The following RHOT2 variants were observed in gnomAD, a reference collection of about 807,000 sequenced individuals.
RHOT2 encodes mitochondrial Rho GTPase 2.
RHOT2 carries 90 observed loss-of-function variants against 81.6 expected under a neutral mutation model. The observed-to-expected ratio is 1.10, with a 90% CI of 0.93 to 1.31. RHOT2 has a LOEUF of 1.31. RHOT2 is among the 40% of genes most tolerant of loss of function. The pLI is 0.00. For missense variants in RHOT2, 1,014 were observed against 841.9 expected (o/e 1.20, Z -2.53); for synonymous variants, 512 against 370.9 (o/e 1.38, Z -4.37).
chr16:673,640 G>C lies in RHOT2; in HGVS notation c.*34G>C, dbSNP rs922499982. On this transcript the variant is annotated 3_prime_UTR_variant, in exon 19 of 19. Coordinates refer to ENST00000315082, the MANE Select transcript of RHOT2 (RefSeq NM_138769.3). ...GTACCCAAGCCCCCTCCCCTGACCT[G>C]GGTGTGCCTCGCTGCTGGGGCTCTG... The C allele has an allele frequency of 1.1e-5, 18 of 1,589,330 alleles. No homozygotes were observed. The highest frequency in any genetic ancestry group is 9.4e-6 in the Non-Finnish European group (11 of 1,170,332).
rs368318947 is a variant in RHOT2, at chr16:668,741, C to A, written c.222+42C>A. 7.7e-6 allele frequency: 12 copies of A among 1,560,936 alleles called. No homozygotes were observed. In the African/African-American group the frequency reaches 1.5e-4, roughly 20 times the overall value. On this transcript the variant is annotated intron_variant, in intron 4 of 18. Transcript: ENST00000315082. The stretch of plus-strand genomic sequence containing the variant: ...GGACGAGGGAGGGGCTGGGCGCGGG[C>A]TCGGCCTAATCCGCTTCGCAGCCTG...
chr16:670,232 A>G lies in RHOT2; in HGVS notation c.330-17A>G. The G allele has an allele frequency of 6.2e-7, 1 of 1,612,088 alleles. No homozygotes were observed. Among genetic ancestry groups the G allele is most frequent in the Non-Finnish European group, 8.5e-7 (1 of 1,179,580 alleles). ...CCTGGCTCCCCTGCCCCTGGTGACC[A>G]TGGGCCTTCAACCCAGGGTGCCCAT... On this transcript the variant is annotated splice_polypyrimidine_tract_variant and intron_variant, in intron 6 of 18. Coordinates refer to ENST00000315082, the MANE Select transcript of RHOT2 (RefSeq NM_138769.3).
chr16:668,252 G>C lies in RHOT2; in HGVS notation c.37+16G>C. 1.3e-6 allele frequency: 1 copy of C among 797,554 alleles called. No individual in the cohort carries two copies. Among genetic ancestry groups the C allele is most frequent in the Non-Finnish European group, 1.8e-6 (1 of 557,376 alleles). 49.4% of individuals were successfully genotyped at this position (797,554 alleles called of 1,614,324 possible). A position where few individuals can be genotyped will look rare whatever the true frequency, so the allele number is the denominator to read the frequency against. ...CTGGGCGAGGGTAGGCGCCGGCCCG[G>C]GGGTCTCGGAGCTGCGGCGGCCGTG... On this transcript the variant is annotated intron_variant, in intron 1 of 18. Coordinates refer to ENST00000315082, the MANE Select transcript of RHOT2 (RefSeq NM_138769.3).
At chr16:669,117 T>G in intron 4 of RHOT2, 1 of 381,992 alleles carries the variant, frequency 2.6e-6, no homozygotes, top group Non-Finnish European at 4.8e-6. Context: ...CAGCCCCTGC[T>G]GTTGGCACCC....
At chr16:672,027 G>C in intron 13 of RHOT2, 25 bp downstream of exon 13, 3 of 1,611,462 alleles carry the variant, frequency 1.9e-6, no homozygotes, top group Non-Finnish European at 2.5e-6. Context: ...CACCATGCCC[G>C]CCTGCCGCAC....
At position 672,532 on chromosome 16, in the gene RHOT2, C is replaced by A. The variant is rs779585460; in HGVS notation, c.1370C>A (p.Thr457Lys). Reference sequence around the variant, plus strand: ...CAGCCTCCCGGCTACGCCATCGACACGGTGCAGGTCAATGGACAGGAGAAG... The same window carrying A: ...CAGCCTCCCGGCTACGCCATCGACAAGGTGCAGGTCAATGGACAGGAGAAG... ...REQPPGYAID[T>K]VQVNGQEKYL... is the part of the protein sequence containing the mutation. The change falls in exon 16 of 19, where the codon ACG becomes AAG. Residue 457 changes from threonine to lysine, a missense_variant. Coordinates refer to ENST00000315082, the MANE Select transcript of RHOT2 (RefSeq NM_138769.3). The A allele has an allele frequency of 6.2e-7, 1 of 1,612,478 alleles. No homozygotes were observed. The highest frequency in any genetic ancestry group is 1.1e-5 in the South Asian group (1 of 91,090).
chr16:673,416 G>A, intron 18 of RHOT2, 64 bp from the exon 19 acceptor site: 1 of 1,605,558 alleles, frequency 6.2e-7, no homozygotes, highest in Non-Finnish European at 8.5e-7. Context: ...ACATGGGAGG[G>A]TGCCCAGCAG....
intron 11 of RHOT2, 96 bp from the exon 12 acceptor site, chr16:671,601 T>C: frequency 4.4e-6 from 6 of 1,353,968 alleles, no homozygotes; most frequent in Non-Finnish European, 6.2e-6. Flanking sequence ...GTAGGGAGGG[T>C]CCGGCTGCAC....
At chr16:669,854 G>A (rs935150797) in intron 5 of RHOT2, 24 of 598,612 alleles carry the variant, frequency 4.0e-5, no homozygotes, top group Admixed American at 6.0e-5. Flanking sequence ...CCAAACCCCC[G>A]GGGGGGGACC....
chr16:668,487 G>T lies in RHOT2; in HGVS notation c.97-1G>T, dbSNP rs780238585. 2.5e-6 allele frequency: 4 copies of T among 1,604,908 alleles called. No individual in the cohort carries two copies. The East Asian group carries it at 6.8e-5, about 27-fold the overall frequency. ...CTGGTGAGCGCGCGGGTCCCTTGCA[G>T]GTCCCTCCCCGCGCGGAGGAGATCA... is the stretch of plus-strand genomic sequence containing the variant. On this transcript the variant is annotated splice_acceptor_variant, in intron 2 of 18. Transcript: ENST00000315082. LOFTEE classifies it high-confidence loss of function.
intron 4 of RHOT2, 82 bp downstream of exon 4, chr16:668,781 G>A (rs1211138872): frequency 1.6e-5 from 23 of 1,397,420 alleles, no homozygotes; most frequent in Non-Finnish European, 2.2e-5. Context: ...ATTGGACCGA[G>A]GTGCTCCGGG....
chr16:673,615 G>A lies in RHOT2; in HGVS notation c.*9G>A. 2.5e-6 allele frequency: 4 copies of A among 1,603,386 alleles called. No homozygotes were observed. Among genetic ancestry groups the A allele is most frequent in the Non-Finnish European group, 3.4e-6 (4 of 1,176,514 alleles). On this transcript the variant is annotated 3_prime_UTR_variant, in exon 19 of 19. Coordinates refer to ENST00000315082, the MANE Select transcript of RHOT2 (RefSeq NM_138769.3). Reference sequence around the variant, plus strand: ...TGGTGAAGAGCCAGTGAGGCCCCTGGTACCCAAGCCCCCTCCCCTGACCTG... The same window carrying A: ...TGGTGAAGAGCCAGTGAGGCCCCTGATACCCAAGCCCCCTCCCCTGACCTG...
At position 671,929 on chromosome 16, in the gene RHOT2, G is replaced by A; in HGVS notation, c.1024G>A (p.Gly342Ser). 1 of 1,612,184 alleles carries A rather than the reference G, an allele frequency of 6.2e-7. No individual in the cohort carries two copies. Among genetic ancestry groups the A allele is most frequent in the Non-Finnish European group, 8.5e-7 (1 of 1,179,820 alleles). Residue 342 changes from glycine (G) to serine (S), a missense_variant, in exon 13 of 19, where the codon GGC becomes AGC. Transcript: ENST00000315082. ...LFSVFPAAPW[G>S]PELPRTVRTE... is the part of the protein sequence containing the mutation. The stretch of plus-strand genomic sequence containing the variant: ...CAGTGTGTTCCCAGCAGCGCCCTGG[G>A]GCCCCGAGCTCCCACGCACAGTCCG...
chr16:668,148 G>C lies in RHOT2; in HGVS notation c.-52G>C. On this transcript the variant is annotated 5_prime_UTR_variant, in exon 1 of 19. Coordinates refer to ENST00000315082, the MANE Select transcript of RHOT2 (RefSeq NM_138769.3). The stretch of plus-strand genomic sequence containing the variant: ...CGCGGGGGCAGAGCGAAAGGCTTGA[G>C]GACCAGGTCGGGGCCGGGTTCCGGG... 1 of 435,020 alleles carries C rather than the reference G, an allele frequency of 2.3e-6. No homozygotes were observed. Among genetic ancestry groups the C allele is most frequent in the Non-Finnish European group, 4.0e-6 (1 of 248,516 alleles). 26.9% of individuals were successfully genotyped at this position (435,020 alleles called of 1,614,324 possible). A position where few individuals can be genotyped will look rare whatever the true frequency, so the allele number is the denominator to read the frequency against.
At chr16:669,173 G>T in intron 4 of RHOT2, 2 of 398,894 alleles carry the variant, frequency 5.0e-6, no homozygotes, top group Non-Finnish European at 9.2e-6. Context: ...GGGGAGGCAG[G>T]GGCCAAGGCG....
intron 16 of RHOT2, 45 bp from the exon 17 acceptor site, chr16:672,658 G>A (rs545482499): frequency 1.1e-5 from 17 of 1,611,326 alleles, no homozygotes; most frequent in Middle Eastern, 3.3e-4. Context: ...GGCCCTAGGG[G>A]GACCGAGCCC....
intron 4 of RHOT2, 30 bp downstream of exon 4, chr16:668,729 G>T (rs768442299): frequency 7.0e-6 from 11 of 1,570,454 alleles, no homozygotes; most frequent in Non-Finnish European, 7.8e-6. Context: ...CGAGGGAGGG[G>T]CTGGGCGCGG....
At position 673,124 on chromosome 16, in the gene RHOT2, C is replaced by A. The variant is rs1269987334; in HGVS notation, c.1724C>A (p.Ala575Asp). Reference protein sequence around the residue: ...TIFTQLATMAAFPHLVHAELH... With the variant: ...TIFTQLATMADFPHLVHAELH... ...TTCACCCAGCTCGCCACCATGGCCG[C>A]CTTCCCGTGGGTACCCAGTAGCGCA... is the stretch of plus-strand genomic sequence containing the variant. Residue 575 changes from alanine to aspartate, a missense_variant, in exon 18 of 19, where the codon GCC becomes GAC. Coordinates refer to ENST00000315082, the MANE Select transcript of RHOT2 (RefSeq NM_138769.3). 1.9e-6 allele frequency: 3 copies of A among 1,610,738 alleles called. No homozygotes were observed. In the South Asian group the frequency reaches 3.3e-5, roughly 18 times the overall value.
At chr16:670,402 C>T (rs2038719427) in intron 7 of RHOT2, 45 bp downstream of exon 7, 4 of 1,609,456 alleles carry the variant, frequency 2.5e-6, no homozygotes, top group Admixed American at 3.3e-5. Flanking sequence ...TCCTTGTGTT[C>T]TCAGTCGGTG....
Sources: allele counts gnomAD v4.1 joint callset, GRCh38; gene constraint gnomAD v4.1.1; transcripts MANE v1.5; gene names NCBI Gene and HGNC (gene_info 2026-07-23, HGNC 2026-07-21).